The following CENPP variants were observed in gnomAD, a reference collection of about 807,000 sequenced individuals.
The protein encoded by CENPP is centromere protein P.
In CENPP, 24 loss-of-function variants were observed where a neutral mutation model predicts 35.6. The observed-to-expected ratio is 0.67, with a 90% CI of 0.49 to 0.95. CENPP has a LOEUF of 0.95. Ranked by LOEUF, CENPP falls within the 40% of genes least tolerant of loss-of-function variation. The probability of loss-of-function intolerance (pLI) is 0.00; values close to 1 mark genes in which losing one functional copy is unlikely to be tolerated. For synonymous variants in CENPP, 120 were observed against 125.5 expected (o/e 0.96, Z 0.29); for missense variants, 332 against 345.3 (o/e 0.96, Z 0.31).
At chr9:92,431,892 T>C (rs1245911110) in intron 5 of CENPP, among the ~76,000 whole-genome samples, 2 of 152,210 alleles carry the variant, frequency 1.3e-5, no homozygotes, top group African/African-American at 4.8e-5. Context: ...TTTTCTATTA[T>C]GTAATTTTTT....
chr9:92,546,337 C>A (rs759682518), intron 5 of CENPP, among the ~76,000 whole-genome samples: 1 of 152,200 alleles, frequency 6.6e-6, no homozygotes, highest in African/African-American at 2.4e-5. Flanking sequence ...CAGAGGTCCC[C>A]TTCCACTGTG....
chr9:92,420,630 G>A (rs994430503), intron 5 of CENPP, among the ~76,000 whole-genome samples: 1 of 151,874 alleles, frequency 6.6e-6, no homozygotes. Context: ...TTGTTTTTGG[G>A]TGATGACCTT....
chr9:92,466,535 G>A (rs1845320276), intron 5 of CENPP: 1 of 1,614,042 alleles, frequency 6.2e-7, no homozygotes, highest in Non-Finnish European at 8.5e-7. Flanking sequence ...GCTTTTGGGT[G>A]AATCTTCGTT....
intron 7 of CENPP, 68 bp downstream of exon 7, chr9:92,612,682 C>T: frequency 8.7e-7 from 1 of 1,154,190 alleles, no homozygotes; most frequent in Non-Finnish European, 1.3e-6. Flanking sequence ...CTGCCTGTTT[C>T]CTCTGGGTTT....
intron 4 of CENPP, among the ~76,000 whole-genome samples, chr9:92,350,742 C>T (rs1841420048): frequency 1.3e-5 from 2 of 152,190 alleles, no homozygotes; most frequent in African/African-American, 4.8e-5. Context: ...ACTTTTAACA[C>T]ATAATCTCCA....
chr9:92,337,072 C>A (rs1157919817), intron 2 of CENPP, among the ~76,000 whole-genome samples: 1 of 152,224 alleles, frequency 6.6e-6, no homozygotes, highest in Non-Finnish European at 1.5e-5. Flanking sequence ...AATCCCGGCA[C>A]TTTGGGAGGC....
At chr9:92,560,768 C>G (rs1849828783) in intron 5 of CENPP, among the ~76,000 whole-genome samples, 1 of 152,112 alleles carries the variant, frequency 6.6e-6, no homozygotes, top group Admixed American at 6.5e-5. Flanking sequence ...TATTCTTATT[C>G]TACCACCGTT....
At chr9:92,533,303 CAAAAAAAAAAAAAA>C (rs1174584000) in intron 5 of CENPP, among the ~76,000 whole-genome samples, 2 of 29,886 alleles carry the variant, frequency 6.7e-5, no homozygotes, top group African/African-American at 2.7e-4. Flanking sequence ...CGGTCTCAAA[CAAAAAAAAAAAAAA>C]AAAAAAAAAA....
intron 5 of CENPP, chr9:92,464,753 G>C (rs771403311): frequency 1.4e-6 from 1 of 705,596 alleles, no homozygotes; most frequent in South Asian, 1.5e-5. Context: ...CAGGAAAAAG[G>C]CACTACATAT....
chr9:92,344,163 T>C (rs1240352011), intron 3 of CENPP, among the ~76,000 whole-genome samples: 1 of 152,040 alleles, frequency 6.6e-6, no homozygotes, highest in Non-Finnish European at 1.5e-5. Context: ...ATTTACCAAC[T>C]GGGGAGAATT....
At chr9:92,441,386 C>G (rs917437377) in intron 5 of CENPP, among the ~76,000 whole-genome samples, 3 of 152,066 alleles carry the variant, frequency 2.0e-5, no homozygotes, top group African/African-American at 7.2e-5. Context: ...GTGAGACAAA[C>G]AACTTGGTTT....
intron 4 of CENPP, among the ~76,000 whole-genome samples, chr9:92,366,442 T>A (rs975124509): frequency 6.6e-6 from 1 of 152,158 alleles, no homozygotes; most frequent in East Asian, 1.9e-4. Context: ...ATAAAATTAC[T>A]TCATTTTACA....
At chr9:92,433,931 TA>T (rs896101811) in intron 5 of CENPP, among the ~76,000 whole-genome samples, 13 of 147,922 alleles carry the variant, frequency 8.8e-5, no homozygotes, top group South Asian at 2.1e-4. Context: ...AGACTTCATC[TA>T]AAAAAAAAAG....
chr9:92,581,393 A>T (rs1850421433), intron 5 of CENPP, among the ~76,000 whole-genome samples: 1 of 152,138 alleles, frequency 6.6e-6, no homozygotes, highest in Non-Finnish European at 1.5e-5. Flanking sequence ...AAATATATAT[A>T]TATAAAGAAA....
intron 5 of CENPP, among the ~76,000 whole-genome samples, chr9:92,490,226 C>CT (rs1304201817): frequency 6.6e-6 from 1 of 152,208 alleles, no homozygotes; most frequent in Non-Finnish European, 1.5e-5. Context: ...AACTAGAACT[C>CT]TAAGTAACTT....
chr9:92,416,101 TTA>T (rs1352371483), intron 5 of CENPP, among the ~76,000 whole-genome samples: 11 of 143,148 alleles, frequency 7.7e-5, no homozygotes, highest in African/African-American at 2.7e-4. Context: ...TTTATTTATT[TTA>T]TTTTTTTTTT....
intron 5 of CENPP, among the ~76,000 whole-genome samples, chr9:92,462,898 A>C (rs532928908): frequency 6.6e-6 from 1 of 152,236 alleles, no homozygotes; most frequent in African/African-American, 2.4e-5. Flanking sequence ...GCAACGTGCC[A>C]GCGAATCTAG....
At chr9:92,373,785 C>T (rs1842063109) in intron 4 of CENPP, among the ~76,000 whole-genome samples, 1 of 152,146 alleles carries the variant, frequency 6.6e-6, no homozygotes, top group Non-Finnish European at 1.5e-5. Flanking sequence ...GAGATCATTC[C>T]ACTGCACTCC....
intron 5 of CENPP, chr9:92,474,937 C>T (rs1368942706): frequency 3.9e-6 from 6 of 1,547,114 alleles, no homozygotes; most frequent in East Asian, 4.6e-5. Flanking sequence ...ACTAAACAGA[C>T]ATGGGATATT....
Sources: allele counts gnomAD v4.1 joint callset (sites outside exome capture counted in the v4.1 genomes callset), GRCh38; gene constraint gnomAD v4.1.1; transcripts MANE v1.5; gene names NCBI Gene and HGNC (gene_info 2026-07-23, HGNC 2026-07-21).